The following MACROH2A1 variants were observed in gnomAD, a reference collection of about 807,000 sequenced individuals.
The protein encoded by MACROH2A1 is macroH2A.1 histone.
In MACROH2A1, 2 loss-of-function variants were observed where a neutral mutation model predicts 31.6. The ratio of observed to expected loss-of-function variants is 0.06; its 90% CI spans 0.03 to 0.20. The LOEUF is 0.20. MACROH2A1 is among the 10% of genes least tolerant of loss of function. The pLI, the probability that MACROH2A1 is intolerant of heterozygous loss-of-function variation, is 1.00. For synonymous variants in MACROH2A1, 169 were observed against 189.6 expected (o/e 0.89, Z 0.89); for missense variants, 230 against 474.0 (o/e 0.49, Z 4.78).
intron 4 of MACROH2A1, among the ~76,000 whole-genome samples, chr5:135,368,013 C>T (rs1378704922): frequency 2.0e-5 from 3 of 152,302 alleles, no homozygotes; most frequent in East Asian, 3.9e-4. Context: ...GACTTGTGAG[C>T]TAGATGGAAT....
chr5:135,387,683 A>G (rs1667304017), intron 2 of MACROH2A1, among the ~76,000 whole-genome samples: 1 of 152,190 alleles, frequency 6.6e-6, no homozygotes, highest in African/African-American at 2.4e-5. Context: ...AACCCCAGAC[A>G]AGTCCTTTAT....
At position 135,369,666 on chromosome 5, in the gene MACROH2A1, C is replaced by A; in HGVS notation, c.280-63G>T. ...TACCCTGCTTCTAACCTTCAAGAAG[C>A]CAGCCCTGCCCAGGACAGTCTTGCT... On this transcript the variant is annotated intron_variant, in intron 3 of 8. Transcript: ENST00000511689. The surrounding 1 kb of genome is among the most constrained non-coding windows in gnomAD (Gnocchi z 4.3). The A allele has an allele frequency of 2.3e-6, 3 of 1,295,832 alleles. No individual in the cohort carries two copies. Among genetic ancestry groups the A allele is most frequent in the Admixed American group, 3.4e-5 (2 of 58,974 alleles). 80.3% of individuals were successfully genotyped at this position (1,295,832 alleles called of 1,614,324 possible). A position where few individuals can be genotyped will look rare whatever the true frequency, so the allele number is the denominator to read the frequency against.
rs973376776 is a variant in MACROH2A1, at chr5:135,398,556, A to G, written c.-34+506T>C. 6.6e-6 allele frequency among the ~76,000 whole-genome samples: 1 copy of G among 152,174 alleles called. No individual in the cohort carries two copies. The highest frequency in any genetic ancestry group is 2.4e-5 in the African/African-American group (1 of 41,464). On this transcript the variant is annotated intron_variant, in intron 1 of 8. Transcript: ENST00000511689. This position sits in a 1 kb window ranked among gnomAD's most constrained non-coding sequence, Gnocchi z 4.6. ...CCTGCAGATAGCGAGCCAGACGCCT[A>G]CACCTCGGCCCCCCGGGGCTCGGGC...
chr5:135,384,490 A>C (rs1766121717), intron 2 of MACROH2A1, among the ~76,000 whole-genome samples: 1 of 152,154 alleles, frequency 6.6e-6, no homozygotes, highest in African/African-American at 2.4e-5. Context: ...CACTCATGGG[A>C]CCCTGCTTCT....
chr5:135,370,788 C>A (rs1279173603), intron 2 of MACROH2A1, among the ~76,000 whole-genome samples: 1 of 152,100 alleles, frequency 6.6e-6, no homozygotes, highest in African/African-American at 2.4e-5. Flanking sequence ...TGATGAAATT[C>A]TGATTCTTTT....
chr5:135,391,382 C>T (rs1295178498), intron 1 of MACROH2A1, among the ~76,000 whole-genome samples: 2 of 152,298 alleles, frequency 1.3e-5, no homozygotes, highest in African/African-American at 2.4e-5. Context: ...TCCCAGCTGA[C>T]CTGCTGGGCA....
At chr5:135,350,548 C>A (rs1378321264) in intron 6 of MACROH2A1, 4 of 407,024 alleles carry the variant, frequency 9.8e-6, no homozygotes, top group African/African-American at 8.0e-5. Context: ...TCCAACAAAG[C>A]TGTGCCTTGT....
Position 135,345,961 on chromosome 5 carries a change from A to C in MACROH2A1, c.778+7T>G, listed in dbSNP as rs1172313966. 5.5e-6 allele frequency: 8 copies of C among 1,442,292 alleles called. No individual in the cohort carries two copies. The highest frequency in any genetic ancestry group is 1.7e-5 in the Admixed American group (1 of 59,798). 89.3% of individuals were successfully genotyped at this position (1,442,292 alleles called of 1,614,324 possible). A position where few individuals can be genotyped will look rare whatever the true frequency, so the allele number is the denominator to read the frequency against. ...ACCAGATAAGCACGGTGGCTTTCCC[A>C]CCTCACCTCCAGCTACTTCCAAGGG... On this transcript the variant is annotated splice_region_variant and intron_variant, in intron 7 of 8. Transcript: ENST00000511689.
chr5:135,357,629 G>A (rs1762334626), intron 5 of MACROH2A1: 1 of 413,038 alleles, frequency 2.4e-6, no homozygotes, highest in Non-Finnish European at 3.3e-6. Flanking sequence ...TGACACATTA[G>A]ACACATTAGA....
upstream of MACROH2A1, chr5:135,399,665 C>T (rs1362515241): frequency 1.3e-5 from 2 of 152,334 alleles, no homozygotes; most frequent in Non-Finnish European, 2.9e-5. This position sits in a 1 kb window ranked among gnomAD's most constrained non-coding sequence, Gnocchi z 4.5. Context: ...CCAACTCCCC[C>T]CTGCCCCGCC....
At chr5:135,358,974 C>T (rs919861800) in intron 5 of MACROH2A1, 3 of 985,218 alleles carry the variant, frequency 3.0e-6, no homozygotes, top group African/African-American at 1.7e-5. Context: ...ACAAACAGAG[C>T]CCAGAGGAGG....
At position 135,393,513 on chromosome 5, in the gene MACROH2A1, G is replaced by A. The variant is rs60812713; in HGVS notation, c.-33-4387C>T. Among the ~76,000 whole-genome samples, 1,286 of 152,302 alleles carry A rather than the reference G, an allele frequency of 8.4e-3. 22 individuals are homozygous for A. Among genetic ancestry groups the A allele is most frequent in the African/African-American group, 0.029 (1,224 of 41,554 alleles). On this transcript the variant is annotated intron_variant, in intron 1 of 8. Coordinates refer to ENST00000511689, the MANE Select transcript of MACROH2A1 (RefSeq NM_138610.3). ...ATGTTCTGCATCCAGCCTTGTTTGA[G>A]AAACAGACAGCCCTACATCATAGAC... is the stretch of plus-strand genomic sequence containing the variant.
intron 8 of MACROH2A1, among the ~76,000 whole-genome samples, chr5:135,340,126 G>A (rs1475608492): frequency 6.6e-6 from 1 of 152,174 alleles, no homozygotes; most frequent in South Asian, 2.1e-4. Context: ...GCTGACCAAT[G>A]GAGATGGGAG....
chr5:135,341,021 G>GAATT (rs1415145698), intron 8 of MACROH2A1, among the ~76,000 whole-genome samples: 2 of 152,198 alleles, frequency 1.3e-5, no homozygotes, highest in Non-Finnish European at 2.9e-5. Flanking sequence ...TCTTTTATGA[G>GAATT]AATTACTTTT....
At chr5:135,336,089 T>A (rs1758605609) in intron 8 of MACROH2A1, among the ~76,000 whole-genome samples, 1 of 152,202 alleles carries the variant, frequency 6.6e-6, no homozygotes, top group African/African-American at 2.4e-5. Context: ...CCTGTGGGCG[T>A]GTTGGTGTCC....
At chr5:135,364,930 A>G (rs1156798242) in intron 4 of MACROH2A1, among the ~76,000 whole-genome samples, 1 of 152,194 alleles carries the variant, frequency 6.6e-6, no homozygotes, top group Admixed American at 6.5e-5. Context: ...GCCAGGTGGT[A>G]AGGAGCAAGC....
intron 2 of MACROH2A1, among the ~76,000 whole-genome samples, chr5:135,379,179 G>A (rs982778792): frequency 2.0e-5 from 3 of 152,188 alleles, no homozygotes; most frequent in Non-Finnish European, 4.4e-5. Context: ...CAGGGAACGC[G>A]CCTTCTATAA....
chr5:135,343,638 T>C, intron 7 of MACROH2A1: 1 of 743,406 alleles, frequency 1.3e-6, no homozygotes, highest in Non-Finnish European at 2.1e-6. Context: ...GTTGGCATTA[T>C]GATGTGTCAC....
chr5:135,345,775 C>A, intron 7 of MACROH2A1, 193 bp downstream of exon 7: 2 of 544,604 alleles, frequency 3.7e-6, no homozygotes, highest in East Asian at 2.9e-5. Context: ...AAAAAAAATG[C>A]AAAGGTGATT....
Sources: gnomAD v4.1 joint callset for allele counts (sites outside exome capture counted in the v4.1 genomes callset) on GRCh38, gnomAD v4.1.1 for gene constraint, Gnocchi (gnomAD v3.1) non-coding constraint, MANE v1.5 for transcripts, NCBI Gene and HGNC (gene_info 2026-07-23, HGNC 2026-07-21) for gene names.